GK: variants seen among roughly 807,000 people sequenced by gnomAD.
GK encodes the protein ATP:glycerol 3-phosphotransferase.
In GK, 9 loss-of-function variants were observed where a neutral mutation model predicts 56.4. The observed-to-expected ratio is 0.16, with a 90% confidence interval of 0.10 to 0.28. GK has a LOEUF of 0.28. GK is among the 10% of genes least tolerant of loss of function. The pLI is 1.00. For synonymous variants in GK, 104 were observed against 144.1 expected (o/e 0.72, Z 1.99); for missense variants, 161 against 431.4 (o/e 0.37, Z 5.55).
In GK at chrX:30,699,980, T is replaced by G. The variant is rs755148389; in HGVS notation, c.748-434T>G. The G allele has an allele frequency of 2.5e-5, 3 of 117,796 alleles. No individual in the cohort carries two copies. The East Asian group carries it at 7.8e-4, about 31-fold the overall frequency. 9.7% of individuals were successfully genotyped at this position (117,796 alleles called of 1,213,427 possible). A position where few individuals can be genotyped will look rare whatever the true frequency, so the allele number is the denominator to read the frequency against. Reference sequence around the variant, plus strand: ...ATATGGCCTTGCAAAATAAATGTGTTTCATACTGGTTTGATAGCTATTGGA... The same window carrying G: ...ATATGGCCTTGCAAAATAAATGTGTGTCATACTGGTTTGATAGCTATTGGA... On this transcript the variant is annotated intron_variant, in intron 9 of 20. Coordinates refer to ENST00000427190, the MANE Select transcript of GK (RefSeq NM_001205019.2).
intron 2 of GK, among the ~76,000 whole-genome samples, chrX:30,666,347 T>C (rs1383027824): frequency 1.8e-5 from 2 of 111,890 alleles, no homozygotes; most frequent in Non-Finnish European, 3.8e-5. Context: ...ACTGGAAATA[T>C]GGAAAATGAA....
chrX:30,712,040 A>G (rs921794279), intron 13 of GK, among the ~76,000 whole-genome samples: 1 of 112,483 alleles, frequency 8.9e-6, no homozygotes, highest in African/African-American at 3.2e-5. Flanking sequence ...GAGCATGTGC[A>G]TGCATATCTG....
At chrX:30,712,020 AAGAG>A (rs747679914) in intron 13 of GK, among the ~76,000 whole-genome samples, 2 of 112,212 alleles carry the variant, frequency 1.8e-5, no homozygotes, top group East Asian at 2.8e-4. Context: ...TATAAAAGAA[AAGAG>A]AGAGAGAGCA....
chrX:30,707,479 G>T, intron 11 of GK, 77 bp from the exon 12 acceptor site: 1 of 637,639 alleles, frequency 1.6e-6, no homozygotes, highest in Non-Finnish European at 2.6e-6. Flanking sequence ...TGTCAGTTTT[G>T]ATCATTTGTG....
At chrX:30,678,755 C>T (rs1441532904) in intron 4 of GK, among the ~76,000 whole-genome samples, 1 of 98,798 alleles carries the variant, frequency 1.0e-5, no homozygotes, top group Non-Finnish European at 2.0e-5. Flanking sequence ...GACACAATCT[C>T]GGCTCACTGC....
At chrX:30,671,830 T>C (rs1466516898) in intron 3 of GK, 1 of 111,519 alleles carries the variant, frequency 9.0e-6, no homozygotes, top group Non-Finnish European at 1.9e-5. Flanking sequence ...TATAAAGAGT[T>C]ACAGTAGCAA....
rs993156600 is a variant in GK, at chrX:30,719,238, T to C, written c.1055-181T>C. ...CTACATTTTAGTGGGGGGTATTTAA[T>C]GTGAGAGAAACTCATTTCTGTTGAT... is the stretch of plus-strand genomic sequence containing the variant. On this transcript the variant is annotated intron_variant, in intron 14 of 20. Coordinates refer to ENST00000427190, the MANE Select transcript of GK (RefSeq NM_001205019.2). 3.6e-5 allele frequency among the ~76,000 whole-genome samples: 4 copies of C among 111,678 alleles called. No individual in the cohort carries two copies. The Admixed American group carries it at 3.8e-4, about 11-fold the overall frequency.
intron 18 of GK, chrX:30,721,581 G>A (rs981836195): frequency 6.8e-5 from 8 of 117,147 alleles, no homozygotes; most frequent in African/African-American, 2.6e-4. Flanking sequence ...TGGGATTACA[G>A]GCGTGAGCCA....
In GK at chrX:30,691,961, A is replaced by C. The variant is rs761406419; in HGVS notation, c.414+762A>C. Among the ~76,000 whole-genome samples, 10 of 111,248 alleles carry C rather than the reference A, an allele frequency of 9.0e-5. No individual in the cohort carries two copies. The South Asian group carries it at 3.8e-3, about 43-fold the overall frequency. ...TGCCTAATTTTCAGTCCTTGTATAG[A>C]TCCCTCTTCACATAAAGGAAGGGAG... On this transcript the variant is annotated intron_variant, in intron 5 of 20. Transcript: ENST00000427190.
intron 4 of GK, among the ~76,000 whole-genome samples, chrX:30,687,185 A>G (rs1934667405): frequency 9.0e-6 from 1 of 111,024 alleles, no homozygotes; most frequent in African/African-American, 3.3e-5. Flanking sequence ...ATCATCCATC[A>G]TTTCAATTTA....
intron 4 of GK, among the ~76,000 whole-genome samples, chrX:30,685,297 A>G (rs1432532330): frequency 7.2e-5 from 8 of 110,480 alleles, no homozygotes; most frequent in Non-Finnish European, 1.5e-4. Flanking sequence ...GCTCCCGGCT[A>G]ATTTTTTTTG....
At chrX:30,712,717 C>CTTTTTTTT (rs769269247) in intron 13 of GK, among the ~76,000 whole-genome samples, 17 of 48,401 alleles carry the variant, frequency 3.5e-4, no homozygotes, top group African/African-American at 4.9e-4. Context: ...TTTTTCTTTT[C>CTTTTTTTT]TTTTTTTTTT....
intron 9 of GK, 72 bp downstream of exon 9, chrX:30,697,821 G>C (rs1282234708): frequency 4.0e-6 from 3 of 755,139 alleles, no homozygotes; most frequent in Non-Finnish European, 6.2e-6. Flanking sequence ...TTTATTTTTA[G>C]ACAAGCAGAA....
chrX:30,697,676 T>C (rs1935311587), intron 8 of GK, 56 bp from the exon 9 acceptor site: 1 of 862,932 alleles, frequency 1.2e-6, no homozygotes, highest in African/African-American at 2.0e-5. Context: ...CCTAGTTTTC[T>C]CTTGTATTTA....
rs1937324336 is a variant in GK at position 30,731,131 on chromosome X, T to A, written c.*2389T>A. On this transcript the variant is annotated 3_prime_UTR_variant, in exon 21 of 21. Transcript: ENST00000427190. ...TAATGATATCTTAGAATTTTTAGTA[T>A]GTTTCTTTTGAAGTGCCCAAAGCCC... 8.9e-6 allele frequency: 1 copy of A among 112,125 alleles called. No homozygotes were observed. Among genetic ancestry groups the A allele is most frequent in the South Asian group, 3.7e-4 (1 of 2,726 alleles). The allele number at this position is 112,125 out of a possible 1,213,427, so 9.2% of individuals were successfully genotyped here. A position where few individuals can be genotyped will look rare whatever the true frequency, so the allele number is the denominator to read the frequency against.
intron 1 of GK, among the ~76,000 whole-genome samples, chrX:30,656,072 C>A (rs999525641): frequency 8.9e-6 from 1 of 111,977 alleles, no homozygotes; most frequent in African/African-American, 3.2e-5. Context: ...CCGTAGAGAT[C>A]CTGTGTGAAG....
intron 1 of GK, 118 bp from the exon 2 acceptor site, chrX:30,665,393 G>A (rs201447152): frequency 2.0e-6 from 1 of 503,155 alleles, no homozygotes; most frequent in East Asian, 3.8e-5. Context: ...ATCTTATATG[G>A]CATTTCATCT....
At chrX:30,674,823 T>A (rs1050463084) in intron 3 of GK, among the ~76,000 whole-genome samples, 5 of 111,834 alleles carry the variant, frequency 4.5e-5, no homozygotes, top group African/African-American at 1.6e-4. Context: ...TTAGAAAAGA[T>A]GTTGAATAAA....
In GK at chrX:30,729,895, CAA is replaced by C. The variant is rs910157488; in HGVS notation, c.*1158_*1159del. On this transcript the variant is annotated 3_prime_UTR_variant, in exon 21 of 21. Coordinates refer to ENST00000427190, the MANE Select transcript of GK (RefSeq NM_001205019.2). ...TCCTATTGAGGGGATAAGAGGATGTCAAAAAAGTTAAATACCTAAGTAGAAAA... is the reference window on the plus strand; with the variant it reads ...TCCTATTGAGGGGATAAGAGGATGTCAAAAGTTAAATACCTAAGTAGAAAA... 9.0e-6 allele frequency: 1 copy of C among 111,176 alleles called. No homozygotes were observed. The highest frequency in any genetic ancestry group is 1.9e-5 in the Non-Finnish European group (1 of 52,826). 9.2% of individuals were successfully genotyped at this position (111,176 alleles called of 1,213,427 possible). A position where few individuals can be genotyped will look rare whatever the true frequency, so the allele number is the denominator to read the frequency against.
Sources: gnomAD v4.1 joint callset for allele counts (sites outside exome capture counted in the v4.1 genomes callset) on GRCh38, gnomAD v4.1.1 for gene constraint, MANE v1.5 for transcripts, NCBI Gene and HGNC (gene_info 2026-07-23, HGNC 2026-07-21) for gene names.